The following SEPSECS variants were observed in gnomAD, a reference collection of about 807,000 sequenced individuals.
SEPSECS encodes Sep (O-phosphoserine) tRNA:Sec (selenocysteine) tRNA synthase.
A neutral mutation model predicts 52.1 loss-of-function variants in SEPSECS; 42 were observed. That is an observed-to-expected ratio of 0.81 (90% CI 0.63 to 1.04). The LOEUF (loss-of-function observed/expected upper bound fraction) is 1.04. SEPSECS is among the 50% of genes least tolerant of loss of function. The probability of loss-of-function intolerance (pLI) is 0.00; values close to 1 mark genes in which losing one functional copy is unlikely to be tolerated. For synonymous variants in SEPSECS, 216 were observed against 211.4 expected (o/e 1.02, Z -0.19); for missense variants, 590 against 610.6 (o/e 0.97, Z 0.36).
chr4:25,148,846 T>G (rs1322599140), intron 6 of SEPSECS, among the ~76,000 whole-genome samples: 1 of 152,218 alleles, frequency 6.6e-6, no homozygotes, highest in Non-Finnish European at 1.5e-5. Context: ...TACCCAGATA[T>G]TAGGTATCAA....
At chr4:25,140,959 G>A (rs1393048292) in intron 8 of SEPSECS, among the ~76,000 whole-genome samples, 2 of 151,280 alleles carry the variant, frequency 1.3e-5, no homozygotes, top group Non-Finnish European at 2.9e-5. Context: ...TATGCACAGA[G>A]TTCTTCTCTT....
intron 10 of SEPSECS, chr4:25,125,487 T>G (rs1471024112): frequency 1.8e-5 from 10 of 570,074 alleles, no homozygotes; most frequent in Non-Finnish European, 2.8e-5. Context: ...AAGATTCATG[T>G]CTTTTTGTGA....
In SEPSECS at chr4:25,144,326, CAAAAAAAAAA is replaced by C. The variant is rs34160695; in HGVS notation, c.1026+438_1026+447del. ...TTGCACTCCAACCCAAGACTCCGCT[CAAAAAAAAAA>C]AAAAAAAAAAGATAGAGCTAACTTC... On this transcript the variant is annotated intron_variant, in intron 8 of 10. Coordinates refer to ENST00000382103, the MANE Select transcript of SEPSECS (RefSeq NM_016955.4). 7.2e-5 allele frequency among the ~76,000 whole-genome samples: 6 copies of C among 83,832 alleles called. No homozygotes were observed. In the South Asian group the frequency reaches 2.5e-3, roughly 35 times the overall value. The allele number at this position is 83,832 out of a possible 152,430, so 55.0% of individuals were successfully genotyped here.
chr4:25,153,818 A>G (rs1286030220), intron 5 of SEPSECS, among the ~76,000 whole-genome samples: 1 of 152,070 alleles, frequency 6.6e-6, no homozygotes, highest in Non-Finnish European at 1.5e-5. Flanking sequence ...AATTTTTCTG[A>G]CTGATAAAAA....
rs1312031503 is a variant in SEPSECS, at chr4:25,122,943, T to C, written c.*988A>G. ...TACCCATGTTAGCTAATTTTGATGA[T>C]GTCTGTGCACAACATCTGAACAAAC... On this transcript the variant is annotated 3_prime_UTR_variant, in exon 11 of 11. Coordinates refer to ENST00000382103, the MANE Select transcript of SEPSECS (RefSeq NM_016955.4). 1 of 152,168 alleles carries C rather than the reference T, an allele frequency of 6.6e-6. No homozygotes were observed. Among genetic ancestry groups the C allele is most frequent in the African/African-American group, 2.4e-5 (1 of 41,450 alleles). The allele number at this position is 152,168 out of a possible 1,614,324, so 9.4% of individuals were successfully genotyped here. A position where few individuals can be genotyped will look rare whatever the true frequency, so the allele number is the denominator to read the frequency against.
At chr4:25,160,508 C>A (rs936414664), upstream of SEPSECS, 3 of 668,226 alleles carry the variant, frequency 4.5e-6, no homozygotes, top group East Asian at 2.8e-5. Context: ...CAAAACAAAA[C>A]AAAAAAAACA....
intron 6 of SEPSECS, 52 bp from the exon 7 acceptor site, chr4:25,145,185 T>C (rs773702121): frequency 6.3e-7 from 1 of 1,586,940 alleles, no homozygotes. Context: ...AGACAACTGC[T>C]ATTAACAAAC....
intron 2 of SEPSECS, among the ~76,000 whole-genome samples, chr4:25,157,615 G>A (rs947077656): frequency 5.3e-5 from 8 of 151,444 alleles, no homozygotes; most frequent in African/African-American, 9.7e-5. Context: ...CGCGATCTCG[G>A]CTCATTGCAA....
chr4:25,140,098 T>C (rs1729000669), intron 8 of SEPSECS, among the ~76,000 whole-genome samples: 1 of 152,132 alleles, frequency 6.6e-6, no homozygotes, highest in South Asian at 2.1e-4. Context: ...AAGCAAGAGG[T>C]CCTGTCTCTA....
chr4:25,145,246 C>T, intron 6 of SEPSECS, 113 bp from the exon 7 acceptor site: 2 of 1,078,594 alleles, frequency 1.9e-6, no homozygotes, highest in Non-Finnish European at 2.8e-6. Context: ...ATATATTAGC[C>T]TGATTTAACC....
chr4:25,130,926 A>C (rs1728580912), intron 8 of SEPSECS, among the ~76,000 whole-genome samples: 1 of 152,208 alleles, frequency 6.6e-6, no homozygotes, highest in African/African-American at 2.4e-5. Context: ...AACCCAAGCA[A>C]ATGTATATAG....
rs186778916 is a variant in SEPSECS, at chr4:25,155,934, T to C, written c.547+103A>G. On this transcript the variant is annotated intron_variant, in intron 4 of 10. Transcript: ENST00000382103. ...ACAATTTTTTCTTTTAAAAAAGCAA[T>C]AGGGAAGAGAGTTAGTTTATTTTTC... 4.5e-3 allele frequency: 4,977 copies of C among 1,109,456 alleles called. 28 individuals are homozygous for C. The highest frequency in any genetic ancestry group is 0.012 in the South Asian group (838 of 69,896). The allele number at this position is 1,109,456 out of a possible 1,614,324, so 68.7% of individuals were successfully genotyped here.
intron 8 of SEPSECS, among the ~76,000 whole-genome samples, chr4:25,137,857 C>T (rs1241317289): frequency 6.6e-6 from 1 of 150,864 alleles, no homozygotes; most frequent in Non-Finnish European, 1.5e-5. Flanking sequence ...AAATGTGGCA[C>T]ATCTACACCA....
intron 6 of SEPSECS, among the ~76,000 whole-genome samples, chr4:25,150,300 C>T (rs1425292935): frequency 1.3e-5 from 2 of 152,192 alleles, no homozygotes. Flanking sequence ...TCATTATGCA[C>T]ACAAACTATG....
At position 25,127,300 on chromosome 4, in the gene SEPSECS, T is replaced by G. The variant is rs1396281118; in HGVS notation, c.1084A>C (p.Arg362=). The G allele has an allele frequency of 6.8e-6, 11 of 1,613,394 alleles. No individual in the cohort carries two copies. Among genetic ancestry groups the G allele is most frequent in the Non-Finnish European group, 9.3e-6 (11 of 1,179,578 alleles). The change falls in exon 9 of 11, where the codon AGA becomes CGA. Residue 362 remains arginine, a synonymous_variant. Coordinates refer to ENST00000382103, the MANE Select transcript of SEPSECS (RefSeq NM_016955.4). ...GGATTGTGAGGTGTATGCAACAGTC[T>G]TTCATTGTAGGCTTCTGACAACTTC... ...IKKLSEAYNE[R]LLHTPHNPIS...
At chr4:25,134,807 T>C (rs952595489) in intron 8 of SEPSECS, among the ~76,000 whole-genome samples, 2 of 152,036 alleles carry the variant, frequency 1.3e-5, no homozygotes, top group African/African-American at 2.4e-5. Context: ...TGGCAGCATA[T>C]AGAAATCTTA....
At chr4:25,143,732 T>G (rs996182634) in intron 8 of SEPSECS, among the ~76,000 whole-genome samples, 1 of 152,178 alleles carries the variant, frequency 6.6e-6, no homozygotes, top group Admixed American at 6.5e-5. Flanking sequence ...TATGTATTCA[T>G]CCTAAGGCTA....
At position 25,124,081 on chromosome 4, in the gene SEPSECS, C is replaced by T; in HGVS notation, c.1356G>A (p.Lys452=). ...CTGCCTTTAAACACCTGTCAAGTCTCTTTATGAACAGGTCCACATCCTGCA... is the reference window on the plus strand; with the variant it reads ...CTGCCTTTAAACACCTGTCAAGTCTTTTTATGAACAGGTCCACATCCTGCA... ...MKMQDVDLFI[K]RLDRCLKAVR... is the part of the protein sequence containing the mutation. The change falls in exon 11 of 11, where the codon AAG becomes AAA. Residue 452 remains lysine (K), a synonymous_variant. Transcript: ENST00000382103. 6.2e-7 allele frequency: 1 copy of T among 1,613,678 alleles called. No individual in the cohort carries two copies. Among genetic ancestry groups the T allele is most frequent in the Non-Finnish European group, 8.5e-7 (1 of 1,179,762 alleles).
intron 8 of SEPSECS, among the ~76,000 whole-genome samples, chr4:25,142,522 A>G (rs1482673275): frequency 6.6e-6 from 1 of 152,228 alleles, no homozygotes; most frequent in Non-Finnish European, 1.5e-5. Context: ...CTATATCTAT[A>G]TATATCTATA....
Sources: allele counts gnomAD v4.1 joint callset (sites outside exome capture counted in the v4.1 genomes callset), GRCh38; gene constraint gnomAD v4.1.1; transcripts MANE v1.5; gene names NCBI Gene and HGNC (gene_info 2026-07-23, HGNC 2026-07-21).